KLHL29: variants seen among roughly 807,000 people sequenced by gnomAD.
KLHL29 encodes kelch-like protein 29.
KLHL29 carries 21 observed loss-of-function variants against 80.4 expected under a neutral mutation model. The observed-to-expected ratio is 0.26, with a 90% CI of 0.19 to 0.38. The LOEUF (loss-of-function observed/expected upper bound fraction) is 0.38. KLHL29 is among the 10% of genes least tolerant of loss of function. The pLI, the probability that KLHL29 is intolerant of heterozygous loss-of-function variation, is 1.00. For synonymous variants in KLHL29, 511 were observed against 526.8 expected (o/e 0.97, Z 0.41); for missense variants, 867 against 1,223.9 (o/e 0.71, Z 4.35).
At chr2:23,487,861 G>T (rs937571691) in intron 2 of KLHL29, among the ~76,000 whole-genome samples, 15 of 152,178 alleles carry the variant, frequency 9.9e-5, no homozygotes, top group African/African-American at 3.6e-4. Flanking sequence ...ACCTGTAATT[G>T]TCACACATCT....
chr2:23,654,703 G>GGT lies in KLHL29; in HGVS notation c.940+11854_940+11855insTG, dbSNP rs1553350650. Among the ~76,000 whole-genome samples the GGT allele has an allele frequency of 5.4e-5, 6 of 111,752 alleles. 1 individual carries two copies. Among genetic ancestry groups the GGT allele is most frequent in the Non-Finnish European group, 1.0e-4 (5 of 49,470 alleles). The allele number at this position is 111,752 out of a possible 152,430, so 73.3% of individuals were successfully genotyped here. A position where few individuals can be genotyped will look rare whatever the true frequency, so the allele number is the denominator to read the frequency against. ...CCAGAAGGGAACAGAGGTTGGGGGG[G>GGT]GGGGGTGGATGTTTTGTATGTGCCT... is the stretch of plus-strand genomic sequence containing the variant. On this transcript the variant is annotated intron_variant, in intron 5 of 13. Transcript: ENST00000486442.
At chr2:23,558,328 C>T (rs1481465445) in intron 2 of KLHL29, among the ~76,000 whole-genome samples, 1 of 152,102 alleles carries the variant, frequency 6.6e-6, no homozygotes, top group Admixed American at 6.5e-5. Flanking sequence ...CCCCAGCTGA[C>T]CTCGACATGC....
intron 2 of KLHL29, among the ~76,000 whole-genome samples, chr2:23,525,609 A>T (rs1386944245): frequency 6.6e-6 from 1 of 151,628 alleles, no homozygotes; most frequent in African/African-American, 2.4e-5. Context: ...CAAGGCCCAG[A>T]CCCCCGTCCT....
intron 3 of KLHL29, among the ~76,000 whole-genome samples, chr2:23,589,089 G>A (rs1668189816): frequency 6.6e-6 from 1 of 152,228 alleles, no homozygotes; most frequent in Non-Finnish European, 1.5e-5. Context: ...CGCCCACTGG[G>A]GTTTGATATG....
chr2:23,594,371 G>A lies in KLHL29; in HGVS notation c.285+31890G>A, dbSNP rs148673108. Among the ~76,000 whole-genome samples the A allele has an allele frequency of 6.0e-3, 911 of 152,272 alleles. 7 individuals carry two copies. The highest frequency in any genetic ancestry group is 0.01 in the Non-Finnish European group (684 of 68,016). ...GCCCGGCTCCTCCGGGCTCTGGAAT[G>A]GCTCCCACCTGGACCCAAGACCAGG... On this transcript the variant is annotated intron_variant, in intron 3 of 13. Transcript: ENST00000486442.
intron 2 of KLHL29, among the ~76,000 whole-genome samples, chr2:23,541,058 T>A (rs1056305312): frequency 2.0e-5 from 3 of 152,164 alleles, no homozygotes; most frequent in African/African-American, 7.2e-5. Context: ...GGGCTCCCTG[T>A]GGGAAAGAAA....
At chr2:23,404,952 G>A (rs370116590) in intron 1 of KLHL29, among the ~76,000 whole-genome samples, 14 of 152,140 alleles carry the variant, frequency 9.2e-5, no homozygotes, top group African/African-American at 3.4e-4. Context: ...CTTTATGTAT[G>A]TTACACATAT....
chr2:23,561,638 C>G (rs189052201), intron 2 of KLHL29, among the ~76,000 whole-genome samples: 2 of 152,318 alleles, frequency 1.3e-5, no homozygotes, highest in East Asian at 3.9e-4. Flanking sequence ...TCCCTCGACC[C>G]TCAACTGGGA....
At chr2:23,511,705 G>C (rs1432731164) in intron 2 of KLHL29, among the ~76,000 whole-genome samples, 1 of 152,210 alleles carries the variant, frequency 6.6e-6, no homozygotes, top group African/African-American at 2.4e-5. Context: ...GTCTGGGGAT[G>C]TGATATCGGT....
chr2:23,525,641 G>T (rs1265618322), intron 2 of KLHL29, among the ~76,000 whole-genome samples: 7 of 152,004 alleles, frequency 4.6e-5, no homozygotes, highest in Non-Finnish European at 8.8e-5. Context: ...CGAGGGGCCT[G>T]GTTTTGCCCT....
chr2:23,617,272 C>T (rs1333616858), intron 3 of KLHL29: 1 of 152,274 alleles, frequency 6.6e-6, no homozygotes, highest in Non-Finnish European at 1.5e-5. Context: ...CACACCCACT[C>T]ACGCCTGTCC....
chr2:23,495,609 G>A (rs1388615446), intron 2 of KLHL29, among the ~76,000 whole-genome samples: 1 of 152,176 alleles, frequency 6.6e-6, no homozygotes, highest in Non-Finnish European at 1.5e-5. Flanking sequence ...TTCTCTCCAG[G>A]ACATCACAGA....
intron 3 of KLHL29, among the ~76,000 whole-genome samples, chr2:23,620,629 A>G (rs1267041814): frequency 6.6e-6 from 1 of 150,510 alleles, no homozygotes; most frequent in Admixed American, 6.6e-5. Flanking sequence ...AGTCCGGGAC[A>G]CACAGAGTGT....
chr2:23,695,798 G>A lies in KLHL29; in HGVS notation c.1718G>A (p.Arg573Gln), dbSNP rs1671914758. Residue 573 changes from arginine (R) to glutamine (Q), a missense_variant, in exon 9 of 14, where the codon CGA becomes CAA. Physicochemically the swap from Arg to Gln is conservative, Grantham distance 43. This residue lies in a region of KLHL29 where 443 missense variants were observed against 767.0 expected (regional missense o/e 0.58). Coordinates refer to ENST00000486442, the MANE Select transcript of KLHL29 (RefSeq NM_052920.2). This position sits in a 1 kb window ranked among gnomAD's most constrained non-coding sequence, Gnocchi z 7.6. ...PHARQEMQTP[R>Q]TRPRLSAGVA... ...GCCCGCCAGGAGATGCAGACGCCCCGAACCCGGCCGCGCCTCTCTGCAGGT... is the reference window on the plus strand; with the variant it reads ...GCCCGCCAGGAGATGCAGACGCCCCAAACCCGGCCGCGCCTCTCTGCAGGT... 3 of 1,550,198 alleles carry A rather than the reference G, an allele frequency of 1.9e-6. No individual in the cohort carries two copies. Among genetic ancestry groups the A allele is most frequent in the Non-Finnish European group, 2.6e-6 (3 of 1,146,744 alleles).
chr2:23,515,909 T>G (rs1665907645), intron 2 of KLHL29, among the ~76,000 whole-genome samples: 1 of 152,222 alleles, frequency 6.6e-6, no homozygotes, highest in South Asian at 2.1e-4. Flanking sequence ...GAGCCTGGTC[T>G]GCCGTGTTGA....
At chr2:23,508,346 G>A (rs1391689195) in intron 2 of KLHL29, among the ~76,000 whole-genome samples, 1 of 152,240 alleles carries the variant, frequency 6.6e-6, no homozygotes, top group African/African-American at 2.4e-5. Context: ...GCAGGGGCTG[G>A]AGATCCTCCA....
chr2:23,620,551 G>A (rs1290029937), intron 3 of KLHL29, among the ~76,000 whole-genome samples: 1 of 152,152 alleles, frequency 6.6e-6, no homozygotes, highest in Non-Finnish European at 1.5e-5. Context: ...GGGTGGTGAG[G>A]CCAGCTCTGG....
intron 3 of KLHL29, among the ~76,000 whole-genome samples, chr2:23,573,436 A>G (rs535477982): frequency 1.4e-4 from 22 of 152,250 alleles, no homozygotes; most frequent in Non-Finnish European, 3.1e-4. Context: ...CTTGCCCCAG[A>G]TCACTCAGCA....
chr2:23,520,703 C>T (rs1666066900), intron 2 of KLHL29, among the ~76,000 whole-genome samples: 1 of 152,236 alleles, frequency 6.6e-6, no homozygotes, highest in Non-Finnish European at 1.5e-5. Context: ...TTTGGTTTCA[C>T]AGTGGATGAA....
Sources: gnomAD v4.1 joint callset for allele counts (sites outside exome capture counted in the v4.1 genomes callset) on GRCh38, gnomAD v4.1.1 for gene constraint, gnomAD v4.1.1 regional missense constraint, Gnocchi (gnomAD v3.1) non-coding constraint, MANE v1.5 for transcripts, NCBI Gene and HGNC (gene_info 2026-07-23, HGNC 2026-07-21) for gene names.